Variants in C5orf24 observed in about 807,000 individuals in gnomAD.
C5orf24 encodes the protein chromosome 5 open reading frame 24.
A neutral mutation model predicts 9.8 loss-of-function variants in C5orf24; 4 were observed. The ratio of observed to expected loss-of-function variants is 0.41; its 90% CI spans 0.20 to 0.93. The LOEUF (loss-of-function observed/expected upper bound fraction) is 0.93. C5orf24 is among the 40% of genes least tolerant of loss of function. The probability of loss-of-function intolerance (pLI) is 0.33; values close to 1 mark genes in which losing one functional copy is unlikely to be tolerated. For missense variants in C5orf24, 170 were observed against 236.9 expected (o/e 0.72, Z 1.85); for synonymous variants, 73 against 81.3 (o/e 0.90, Z 0.55).
intron 1 of C5orf24, among the ~76,000 whole-genome samples, chr5:134,849,750 C>T (rs781356863): frequency 6.6e-6 from 1 of 150,606 alleles, no homozygotes; most frequent in Non-Finnish European, 1.5e-5. Flanking sequence ...CTCTGCCTCC[C>T]GGGTTCAAGC....
chr5:134,855,437 T>G lies in C5orf24; in HGVS notation c.537T>G (p.Thr179=). 1 of 1,614,164 alleles carries G rather than the reference T, an allele frequency of 6.2e-7. No individual in the cohort carries two copies. Among genetic ancestry groups the G allele is most frequent in the Non-Finnish European group, 8.5e-7 (1 of 1,180,030 alleles). Residue 179 remains threonine (T), a synonymous_variant, in exon 2 of 2, where the codon ACT becomes ACG. Transcript: ENST00000394976. ...GAGCAGTTCATGGGGTAGAGGAAAC[T>G]AGCAGTGAAGTCAAACCACCCAATG... ...HGRAVHGVEE[T]SSEVKPPNE is the part of the protein sequence containing the mutation.
At chr5:134,849,583 G>A (rs1394371010) in intron 1 of C5orf24, among the ~76,000 whole-genome samples, 3 of 147,570 alleles carry the variant, frequency 2.0e-5, no homozygotes, top group African/African-American at 7.4e-5. Flanking sequence ...TTTCTTGGCA[G>A]TAGCAGGGAA....
upstream of C5orf24, chr5:134,845,742 G>A (rs1429507770): frequency 6.6e-6 from 1 of 152,302 alleles, no homozygotes; most frequent in African/African-American, 2.4e-5. Flanking sequence ...ATACAAGTAA[G>A]GAAGTTATTA....
chr5:134,850,597 C>T (rs1235366395), intron 1 of C5orf24, among the ~76,000 whole-genome samples: 1 of 151,412 alleles, frequency 6.6e-6, no homozygotes, highest in Admixed American at 6.6e-5. Flanking sequence ...CTCAGCCTCC[C>T]GAGTAGCTGG....
chr5:134,842,217 C>T (rs1315098263), upstream of C5orf24, among the ~76,000 whole-genome samples: 1 of 152,018 alleles, frequency 6.6e-6, no homozygotes, highest in African/African-American at 2.4e-5. Flanking sequence ...TGGCTGCACA[C>T]GGTGGCTCCT....
At chr5:134,850,231 C>G (rs561093566) in intron 1 of C5orf24, among the ~76,000 whole-genome samples, 6 of 151,916 alleles carry the variant, frequency 3.9e-5, no homozygotes, top group African/African-American at 1.2e-4. Context: ...TCACTGCAAC[C>G]TCCTCCTCCC....
chr5:134,842,035 A>G (rs1366936537), upstream of C5orf24, among the ~76,000 whole-genome samples: 1 of 152,126 alleles, frequency 6.6e-6, no homozygotes, highest in Non-Finnish European at 1.5e-5. Context: ...AGTTTATAGA[A>G]TTTTAGAATT....
chr5:134,854,084 A>AT (rs1025777623), intron 1 of C5orf24, among the ~76,000 whole-genome samples: 2 of 152,152 alleles, frequency 1.3e-5, no homozygotes, highest in African/African-American at 4.8e-5. Flanking sequence ...CATCTCAAAA[A>AT]TTTTTTTAAA....
chr5:134,850,975 TATAC>T (rs1756143681), intron 1 of C5orf24, among the ~76,000 whole-genome samples: 1 of 150,192 alleles, frequency 6.7e-6, no homozygotes, highest in African/African-American at 2.5e-5. Flanking sequence ...ATACATATTT[TATAC>T]ATACAGAAAT....
At chr5:134,839,678 G>A in the C5orf24 span, among the ~76,000 whole-genome samples, 7 of 151,198 alleles carry the variant, frequency 4.6e-5, no homozygotes, top group South Asian at 1.5e-3. Context: ...TTAAATTTAA[G>A]GAGTAACTTT....
chr5:134,857,340 C>G lies in C5orf24; in HGVS notation c.*1873C>G. 6.5e-7 allele frequency: 1 copy of G among 1,546,160 alleles called. No individual in the cohort carries two copies. The stretch of plus-strand genomic sequence containing the variant: ...CTGATTGCAAATGGATGTCATGTTT[C>G]ATACCTTTTTTATCAGGAAAAAAGC... On this transcript the variant is annotated 3_prime_UTR_variant, in exon 2 of 2. Transcript: ENST00000394976.
chr5:134,854,996 T>G lies in C5orf24; in HGVS notation c.96T>G (p.Phe32Leu). The change falls in exon 2 of 2, where the codon TTT becomes TTG. Residue 32 changes from phenylalanine (F) to leucine (L), a missense_variant. By Grantham distance (22) the Phe-to-Leu change is conservative. Transcript: ENST00000394976. Reference sequence around the variant, plus strand: ...ATGCCATGAGAGCTGCTGATCAGTTTGACATATATTCCTCCCAGCAAAGCA... The same window carrying G: ...ATGCCATGAGAGCTGCTGATCAGTTGGACATATATTCCTCCCAGCAAAGCA... ...NEDAMRAADQ[F>L]DIYSSQQSKY... 6.2e-7 allele frequency: 1 copy of G among 1,614,148 alleles called. No homozygotes were observed. The highest frequency in any genetic ancestry group is 8.5e-7 in the Non-Finnish European group (1 of 1,180,034).
rs543677015 is a variant in C5orf24 at position 134,848,431 on chromosome 5, C to T, written c.-4+2219C>T. Among the ~76,000 whole-genome samples, 9 of 147,768 alleles carry T rather than the reference C, an allele frequency of 6.1e-5. No homozygotes were observed. In the South Asian group the frequency reaches 1.1e-3, roughly 18 times the overall value. On this transcript the variant is annotated intron_variant, in intron 1 of 1. Transcript: ENST00000394976. Reference sequence around the variant, plus strand: ...CGGCACTTTGGGAGGCCAAGGCAGGCGAATCACCTGAACTCGGGAGTTTGA... The same window carrying T: ...CGGCACTTTGGGAGGCCAAGGCAGGTGAATCACCTGAACTCGGGAGTTTGA...
Position 134,857,412 on chromosome 5 carries a change from ACTTTATGCTGCT to A in C5orf24, c.*1951_*1962del. ...GTGATGCCTGACACAATTGAGCTGG[ACTTTATGCTGCT>A]CTTTACAGTAAGAGGTGTTGCATTG... is the stretch of plus-strand genomic sequence containing the variant. On this transcript the variant is annotated 3_prime_UTR_variant, in exon 2 of 2. Transcript: ENST00000394976. 6.5e-7 allele frequency: 1 copy of A among 1,548,022 alleles called. No homozygotes were observed. Among genetic ancestry groups the A allele is most frequent in the South Asian group, 1.2e-5 (1 of 83,758 alleles).
the C5orf24 span, among the ~76,000 whole-genome samples, chr5:134,838,318 A>G: frequency 6.6e-6 from 1 of 152,206 alleles, no homozygotes; most frequent in Non-Finnish European, 1.5e-5. Context: ...TTGTATTTCA[A>G]GGATGTATAC....
rs1192637394 is a variant in C5orf24 at position 134,855,487 on chromosome 5, C to T, written c.*20C>T. On this transcript the variant is annotated 3_prime_UTR_variant, in exon 2 of 2. Coordinates refer to ENST00000394976, the MANE Select transcript of C5orf24 (RefSeq NM_001135586.1). ...GAGTGAATGAGGCAGGAAAAGAGGG[C>T]CAGGTTTAGAAGGAAGATTGTGAAT... The T allele has an allele frequency of 1.9e-6, 3 of 1,612,446 alleles. No homozygotes were observed. The highest frequency in any genetic ancestry group is 3.4e-5 in the Admixed American group (2 of 59,254).
upstream of C5orf24, among the ~76,000 whole-genome samples, chr5:134,844,349 ATTTTTTTGAGACAGGGT>A (rs1298315429): frequency 6.6e-6 from 1 of 151,744 alleles, no homozygotes; most frequent in Non-Finnish European, 1.5e-5. Flanking sequence ...TTAGCATTTT[ATTTTTTTGAGACAGGGT>A]CTCACTCTGT....
the C5orf24 span, among the ~76,000 whole-genome samples, chr5:134,839,330 C>T: frequency 2.0e-5 from 3 of 152,138 alleles, no homozygotes; most frequent in Non-Finnish European, 2.9e-5. Context: ...GGAATATGAG[C>T]TCCCTGAGAT....
chr5:134,851,028 A>T (rs1756146365), intron 1 of C5orf24, among the ~76,000 whole-genome samples: 1 of 148,664 alleles, frequency 6.7e-6, no homozygotes, highest in Non-Finnish European at 1.5e-5. Context: ...TTATTTATTT[A>T]TTTATTTTTG....
Sources: gnomAD v4.1 joint callset for allele counts (sites outside exome capture counted in the v4.1 genomes callset) on GRCh38, gnomAD v4.1.1 for gene constraint, MANE v1.5 for transcripts, NCBI Gene and HGNC (gene_info 2026-07-23, HGNC 2026-07-21) for gene names.